SH3BGRL2: variants seen among roughly 807,000 people sequenced by gnomAD.
The protein encoded by SH3BGRL2 is SH3 domain-binding glutamic acid-rich-like protein 2.
Under a neutral mutation model 14.8 loss-of-function variants are expected in SH3BGRL2, and 21 were observed. That is an observed-to-expected ratio of 1.42 (90% CI 1.01 to 2.05). The LOEUF is 2.05. SH3BGRL2 is among the 30% of genes most tolerant of loss of function. The pLI is 0.00. For missense variants in SH3BGRL2, 147 were observed against 130.8 expected, an observed-to-expected ratio of 1.12 and a Z score of -0.61; for synonymous variants, 50 against 47.8, an observed-to-expected ratio of 1.05 and a Z score of -0.19.
the SH3BGRL2 span, among the ~76,000 whole-genome samples, chr6:79,598,733 A>C: frequency 6.6e-6 from 1 of 152,234 alleles, no homozygotes; most frequent in South Asian, 2.1e-4. Flanking sequence ...AAATGAGTGA[A>C]TTGTAAGGTA....
In SH3BGRL2 at chr6:79,639,215, T is replaced by C. The variant is rs180972400; in HGVS notation, c.45+7709T>C. Among the ~76,000 whole-genome samples, 128 of 152,322 alleles carry C rather than the reference T, an allele frequency of 8.4e-4. 1 individual carries two copies. In the Middle Eastern group the frequency reaches 0.041, roughly 49 times the overall value. On this transcript the variant is annotated intron_variant, in intron 1 of 3. Transcript: ENST00000369838. ...AAATGGGTGACAGAATAGAAAAAAA[T>C]CTAGAATCATAGTGAATGTTTCACT...
chr6:79,643,801 T>C (rs1228220784), intron 1 of SH3BGRL2, among the ~76,000 whole-genome samples: 1 of 152,216 alleles, frequency 6.6e-6, no homozygotes, highest in African/African-American at 2.4e-5. Flanking sequence ...GAGGAAGACT[T>C]CAGAAGTTAA....
the SH3BGRL2 span, among the ~76,000 whole-genome samples, chr6:79,600,386 C>T: frequency 3.3e-5 from 5 of 152,124 alleles, no homozygotes; most frequent in Non-Finnish European, 7.3e-5. Context: ...TGAGCTTAGC[C>T]GTGAGCCCAG....
the SH3BGRL2 span, among the ~76,000 whole-genome samples, chr6:79,596,701 C>T: frequency 1.3e-5 from 2 of 152,126 alleles, no homozygotes; most frequent in Non-Finnish European, 2.9e-5. Context: ...ACTGTATTCC[C>T]CAAATTGATT....
chr6:79,691,797 A>C (rs1286280185), intron 2 of SH3BGRL2, among the ~76,000 whole-genome samples: 1 of 151,616 alleles, frequency 6.6e-6, no homozygotes. Context: ...GCTATTGTGA[A>C]TAGTGCCACA....
chr6:79,606,234 T>C, the SH3BGRL2 span, among the ~76,000 whole-genome samples: 2 of 152,138 alleles, frequency 1.3e-5, no homozygotes, highest in Non-Finnish European at 2.9e-5. Context: ...TTAGCCTCTG[T>C]GAATGCCTGA....
the SH3BGRL2 span, among the ~76,000 whole-genome samples, chr6:79,599,699 GA>G: frequency 6.6e-6 from 1 of 152,174 alleles, no homozygotes; most frequent in Non-Finnish European, 1.5e-5. Flanking sequence ...AATTGGCTAG[GA>G]CGGGGCAGAC....
At chr6:79,631,236 C>G (rs1182521375), upstream of SH3BGRL2, 6 of 404,422 alleles carry the variant, frequency 1.5e-5, no homozygotes, top group African/African-American at 1.0e-4. Context: ...CATCAAGCCC[C>G]GCAGCCGGCT....
At chr6:79,644,935 G>A (rs1371041023) in intron 1 of SH3BGRL2, among the ~76,000 whole-genome samples, 2 of 152,082 alleles carry the variant, frequency 1.3e-5, no homozygotes, top group Middle Eastern at 3.4e-3. Context: ...CGAGATGGGC[G>A]GATCACCAGA....
chr6:79,663,593 G>T (rs1430228719), intron 1 of SH3BGRL2, among the ~76,000 whole-genome samples: 2 of 152,180 alleles, frequency 1.3e-5, no homozygotes, highest in Non-Finnish European at 2.9e-5. Context: ...CCTACTGGGA[G>T]GTGTCTCCCA....
intron 1 of SH3BGRL2, among the ~76,000 whole-genome samples, chr6:79,637,868 TAGAA>T (rs912284143): frequency 1.3e-5 from 2 of 149,388 alleles, no homozygotes; most frequent in African/African-American, 4.9e-5. Context: ...TATATGCTAT[TAGAA>T]AGAAACATTA....
At chr6:79,670,787 T>C (rs748003953) in intron 1 of SH3BGRL2, among the ~76,000 whole-genome samples, 1 of 152,178 alleles carries the variant, frequency 6.6e-6, no homozygotes, top group Non-Finnish European at 1.5e-5. Flanking sequence ...TATATTATTT[T>C]CACATATTTA....
At chr6:79,632,678 T>C (rs1030650030) in intron 1 of SH3BGRL2, among the ~76,000 whole-genome samples, 4 of 152,186 alleles carry the variant, frequency 2.6e-5, no homozygotes, top group African/African-American at 9.7e-5. Context: ...CTAGAAACAA[T>C]AGATGGGAAA....
the SH3BGRL2 span, among the ~76,000 whole-genome samples, chr6:79,572,337 C>G: frequency 6.6e-6 from 1 of 152,230 alleles, no homozygotes; most frequent in Non-Finnish European, 1.5e-5. Flanking sequence ...AATTTATTTA[C>G]AGTCTCACAA....
chr6:79,641,645 G>T (rs904794801), intron 1 of SH3BGRL2, among the ~76,000 whole-genome samples: 1 of 152,184 alleles, frequency 6.6e-6, no homozygotes, highest in Non-Finnish European at 1.5e-5. Flanking sequence ...TGAAATGAAT[G>T]ATTTTGCATT....
chr6:79,640,315 G>T (rs566629458), intron 1 of SH3BGRL2, among the ~76,000 whole-genome samples: 1 of 152,132 alleles, frequency 6.6e-6, no homozygotes, highest in Non-Finnish European at 1.5e-5. Context: ...GGTTAGTATT[G>T]CTATCTCTTT....
chr6:79,554,486 A>G, the SH3BGRL2 span, among the ~76,000 whole-genome samples: 1 of 152,158 alleles, frequency 6.6e-6, no homozygotes, highest in Admixed American at 6.5e-5. Flanking sequence ...TCAATAGAGG[A>G]TTTATTGAGG....
intron 1 of SH3BGRL2, among the ~76,000 whole-genome samples, chr6:79,637,709 A>T (rs1039080269): frequency 5.9e-5 from 9 of 152,112 alleles, no homozygotes; most frequent in African/African-American, 1.9e-4. Context: ...AAAAAAGAAA[A>T]TGTATTTCAC....
chr6:79,651,980 A>G (rs777845579), intron 1 of SH3BGRL2, among the ~76,000 whole-genome samples: 7 of 152,202 alleles, frequency 4.6e-5, no homozygotes, highest in Admixed American at 1.3e-4. Context: ...TATAGGTGCC[A>G]GTAGTATCCT....
Sources: gnomAD v4.1 joint callset for allele counts (sites outside exome capture counted in the v4.1 genomes callset) on GRCh38, gnomAD v4.1.1 for gene constraint, MANE v1.5 for transcripts, NCBI Gene and HGNC (gene_info 2026-07-23, HGNC 2026-07-21) for gene names.